MTUS1: variants seen among roughly 807,000 people sequenced by gnomAD.
MTUS1 encodes microtubule-associated tumor suppressor 1.
In MTUS1, 109 loss-of-function variants were observed where a neutral mutation model predicts 120.8. The ratio of observed to expected loss-of-function variants is 0.90; its 90% CI spans 0.77 to 1.06. The LOEUF is 1.06. MTUS1 is among the 50% of genes least tolerant of loss of function. The pLI is 0.00. For missense variants in MTUS1, 2,210 were observed against 1,486.3 expected (o/e 1.49, Z -8.01); for synonymous variants, 737 against 550.5 (o/e 1.34, Z -4.74).
At chr8:17,759,203 T>C (rs1231366218) in intron 1 of MTUS1, among the ~76,000 whole-genome samples, 2 of 152,054 alleles carry the variant, frequency 1.3e-5, no homozygotes, top group Non-Finnish European at 2.9e-5. Flanking sequence ...TTTAAATAAG[T>C]ATGTAAGAGG....
intron 1 of MTUS1, among the ~76,000 whole-genome samples, chr8:17,788,344 TAC>T (rs1237250674): frequency 6.6e-6 from 1 of 152,210 alleles, no homozygotes; most frequent in African/African-American, 2.4e-5. Context: ...TATTGGAATC[TAC>T]AGATTTTTTC....
intron 6 of MTUS1, among the ~76,000 whole-genome samples, chr8:17,690,597 C>T (rs1816756416): frequency 6.6e-6 from 1 of 152,006 alleles, no homozygotes; most frequent in African/African-American, 2.4e-5. Context: ...TTAAAATAGC[C>T]AATTAAAACA....
At chr8:17,728,841 T>C (rs891393742) in intron 3 of MTUS1, among the ~76,000 whole-genome samples, 4 of 152,110 alleles carry the variant, frequency 2.6e-5, no homozygotes, top group Non-Finnish European at 4.4e-5. Context: ...GATTGTGTGG[T>C]AGCAGTGTGC....
rs374837550 is a variant in MTUS1, at chr8:17,684,552, G to T, written c.2624-10C>A. On this transcript the variant is annotated splice_polypyrimidine_tract_variant and intron_variant, in intron 6 of 14. Transcript: ENST00000693296. ...TGCCTGCTCTTTTCAACTGCAAAAC[G>T]AATTAACATAGGTACAAAGATAGGT... 2.5e-6 allele frequency: 4 copies of T among 1,606,120 alleles called. No individual in the cohort carries two copies. Among genetic ancestry groups the T allele is most frequent in the African/African-American group, 1.3e-5 (1 of 74,812 alleles).
chr8:17,723,825 T>G lies in MTUS1; in HGVS notation c.2296A>C (p.Thr766Pro). 6.4e-7 allele frequency: 1 copy of G among 1,570,638 alleles called. No individual in the cohort carries two copies. Among genetic ancestry groups the G allele is most frequent in the South Asian group, 1.2e-5 (1 of 86,226 alleles). ...GACGACTGTGCAGTTTTCAAGGATG[T>G]AGGCTTTCCTTGGGGTTTAAAAAAA... ...IRRVSSSGKPTSLKTAQSSWV... is the reference protein window; with the variant it reads ...IRRVSSSGKPPSLKTAQSSWV... Residue 766 changes from threonine to proline, a missense_variant, in exon 4 of 15, where the codon ACA (threonine) becomes CCA (proline). Coordinates refer to ENST00000693296, the MANE Select transcript of MTUS1 (RefSeq NM_001363059.2).
chr8:17,715,945 C>T (rs750685798), intron 4 of MTUS1, 44 bp from the exon 5 acceptor site: 1 of 1,559,956 alleles, frequency 6.4e-7, no homozygotes, highest in Non-Finnish European at 8.7e-7. Flanking sequence ...TAGATAAACA[C>T]AGTTTCGACC....
intron 1 of MTUS1, among the ~76,000 whole-genome samples, chr8:17,761,470 C>T (rs1031743352): frequency 2.0e-5 from 3 of 152,276 alleles, no homozygotes; most frequent in East Asian, 3.9e-4. Flanking sequence ...AACTGCATGA[C>T]GTGACCAAAT....
At position 17,754,389 on chromosome 8, in the gene MTUS1, G is replaced by T. The variant is rs192980583; in HGVS notation, c.1419C>A (p.Asn473Lys). ...ATTTTCCTAAACTGGGTTTACACAG[G>T]TTCACAGGTGCCTCCTTCGAGTCTG... ...NIPDSKEAPVNLCKPSLGKST... is the reference protein window; with the variant it reads ...NIPDSKEAPVKLCKPSLGKST... The change falls in exon 2 of 15, where the codon AAC becomes AAA. Residue 473 changes from asparagine to lysine, a missense_variant. Physicochemically the swap from Asn to Lys is moderately conservative, Grantham distance 94. Coordinates refer to ENST00000693296, the MANE Select transcript of MTUS1 (RefSeq NM_001363059.2). The T allele has an allele frequency of 5.0e-6, 8 of 1,614,048 alleles. No homozygotes were observed. Among genetic ancestry groups the T allele is most frequent in the Non-Finnish European group, 6.8e-6 (8 of 1,179,992 alleles).
At chr8:17,720,681 A>G (rs974227669) in intron 4 of MTUS1, among the ~76,000 whole-genome samples, 1 of 152,180 alleles carries the variant, frequency 6.6e-6, no homozygotes, top group African/African-American at 2.4e-5. Context: ...TAAATTGCAC[A>G]ATAGTCCCCA....
At chr8:17,672,203 A>G (rs1354131929) in intron 8 of MTUS1, among the ~76,000 whole-genome samples, 1 of 152,230 alleles carries the variant, frequency 6.6e-6, no homozygotes, top group African/African-American at 2.4e-5. Context: ...CTCACAAAAC[A>G]GCCAGTGTGG....
In MTUS1 at chr8:17,755,612, T is replaced by C; in HGVS notation, c.196A>G (p.Thr66Ala). 6.2e-7 allele frequency: 1 copy of C among 1,614,212 alleles called. No homozygotes were observed. Among genetic ancestry groups the C allele is most frequent in the Non-Finnish European group, 8.5e-7 (1 of 1,180,032 alleles). ...VDYETDPAVVTGENISLSLQG... is the reference protein window; with the variant it reads ...VDYETDPAVVAGENISLSLQG... Reference sequence around the variant, plus strand: ...AGGCTTAAAGAAATATTTTCACCAGTAACTACAGCAGGGTCAGTTTCATAA... The same window carrying C: ...AGGCTTAAAGAAATATTTTCACCAGCAACTACAGCAGGGTCAGTTTCATAA... Residue 66 changes from threonine to alanine, a missense_variant, in exon 2 of 15, where the codon ACT (threonine) becomes GCT (alanine). Transcript: ENST00000693296.
chr8:17,778,011 A>C (rs2050589604), intron 1 of MTUS1, among the ~76,000 whole-genome samples: 3 of 152,214 alleles, frequency 2.0e-5, no homozygotes. Context: ...AGGAAAACAA[A>C]AACAGATGTG....
chr8:17,669,238 T>A (rs1044857904), intron 8 of MTUS1, among the ~76,000 whole-genome samples: 5 of 152,144 alleles, frequency 3.3e-5, no homozygotes, highest in Non-Finnish European at 5.9e-5. Context: ...GAAATTCAAT[T>A]GAAGATATTT....
At chr8:17,680,595 G>C (rs986698264) in intron 7 of MTUS1, among the ~76,000 whole-genome samples, 1 of 151,714 alleles carries the variant, frequency 6.6e-6, no homozygotes, top group African/African-American at 2.4e-5. Flanking sequence ...CAATTGTCTG[G>C]GAAATTCACT....
Position 17,765,035 on chromosome 8 carries a change from C to G in MTUS1, c.-154-9074G>C, listed in dbSNP as rs530127362. ...GTTTGTTTTCCTGTAAGTAGACAGT[C>G]CCATCTGGAAGTGATGGGAGACAGT... On this transcript the variant is annotated intron_variant, in intron 1 of 14. Coordinates refer to ENST00000693296, the MANE Select transcript of MTUS1 (RefSeq NM_001363059.2). 3.3e-5 allele frequency among the ~76,000 whole-genome samples: 5 copies of G among 152,310 alleles called. No homozygotes were observed. The South Asian group carries it at 1.0e-3, about 32-fold the overall frequency.
At chr8:17,676,297 A>C (rs899667232) in intron 7 of MTUS1, 1 of 702,966 alleles carries the variant, frequency 1.4e-6, no homozygotes, top group African/African-American at 1.7e-5. Flanking sequence ...CACATGGAGA[A>C]TAGAGGCACA....
intron 1 of MTUS1, among the ~76,000 whole-genome samples, chr8:17,774,790 A>T (rs913253112): frequency 5.9e-5 from 9 of 152,150 alleles, no homozygotes; most frequent in African/African-American, 2.2e-4. Context: ...CCATGTTCAC[A>T]GCAGCAGTAT....
chr8:17,672,245 A>G (rs1812181880), intron 8 of MTUS1, among the ~76,000 whole-genome samples: 1 of 152,248 alleles, frequency 6.6e-6, no homozygotes, highest in South Asian at 2.1e-4. Context: ...AGCTGCATAC[A>G]TCCTAATACC....
At chr8:17,797,004 C>T (rs2052295357) in intron 1 of MTUS1, among the ~76,000 whole-genome samples, 1 of 151,976 alleles carries the variant, frequency 6.6e-6, no homozygotes, top group Non-Finnish European at 1.5e-5. Flanking sequence ...CCCAGCTACT[C>T]AGGAGGCTGA....
Sources: allele counts gnomAD v4.1 joint callset (sites outside exome capture counted in the v4.1 genomes callset), GRCh38; gene constraint gnomAD v4.1.1; transcripts MANE v1.5; gene names NCBI Gene and HGNC (gene_info 2026-07-23, HGNC 2026-07-21).